DNMT3L: variants seen among roughly 807,000 people sequenced by gnomAD.
The protein encoded by DNMT3L is DNA methyltransferase 3 like.
Under a neutral mutation model 36.2 loss-of-function variants are expected in DNMT3L, and 33 were observed. That is an observed-to-expected ratio of 0.91 (90% CI 0.69 to 1.22). The LOEUF is 1.22. Ranked by LOEUF, DNMT3L falls within the 50% of genes most tolerant of loss-of-function variation. DNMT3L has a pLI of 0.00. For missense variants in DNMT3L, 310 were observed against 303.1 expected (o/e 1.02, Z -0.17); for synonymous variants, 117 against 121.7 (o/e 0.96, Z 0.26).
chr21:44,259,761 C>T (rs771400485), intron 3 of DNMT3L, 50 bp from the exon 4 acceptor site: 24 of 1,553,304 alleles, frequency 1.5e-5, no homozygotes, highest in Non-Finnish European at 3.5e-6. Context: ...CTGTCAAATA[C>T]AGCAGACGAT....
rs759888168 is a variant in DNMT3L at position 44,258,742 on chromosome 21, T to A, written c.345-48A>T. On this transcript the variant is annotated intron_variant, in intron 5 of 11. Coordinates refer to ENST00000628202, the MANE Select transcript of DNMT3L (RefSeq NM_175867.3). The surrounding 1 kb of genome is among the most constrained non-coding windows in gnomAD (Gnocchi z 6.2). ...AGCAGCGGACATGACAGCCCACCTCTCCTGAGGATGGCAGAGGTGGGCCTG... is the reference window on the plus strand; with the variant it reads ...AGCAGCGGACATGACAGCCCACCTCACCTGAGGATGGCAGAGGTGGGCCTG... 3 of 1,587,878 alleles carry A rather than the reference T, an allele frequency of 1.9e-6. No homozygotes were observed. Among genetic ancestry groups the A allele is most frequent in the East Asian group, 2.3e-5 (1 of 44,044 alleles).
rs1162367991 is a variant in DNMT3L, at chr21:44,258,173, C to T, written c.516+350G>A. 6.6e-6 allele frequency among the ~76,000 whole-genome samples: 1 copy of T among 152,150 alleles called. No individual in the cohort carries two copies. The highest frequency in any genetic ancestry group is 1.5e-5 in the Non-Finnish European group (1 of 68,026). On this transcript the variant is annotated intron_variant, in intron 6 of 11. Transcript: ENST00000628202. The surrounding 1 kb of genome is among the most constrained non-coding windows in gnomAD (Gnocchi z 6.2). The stretch of plus-strand genomic sequence containing the variant: ...CTGAGGTTCCTGCCGGCCCCCCTGG[C>T]TCCTCGGCTGGACTCCCAAAACGGC...
At chr21:44,254,590 T>G (rs1257165822) in intron 8 of DNMT3L, 27 bp downstream of exon 8, 1 of 1,611,556 alleles carries the variant, frequency 6.2e-7, no homozygotes, top group Admixed American at 1.7e-5. Context: ...CCCACTACAG[T>G]GTCTGAGAGT....
In DNMT3L at chr21:44,258,568, C is replaced by T. The variant is rs1418221433; in HGVS notation, c.471G>A (p.Arg157=). 8 of 1,603,730 alleles carry T rather than the reference C, an allele frequency of 5.0e-6. No homozygotes were observed. Among genetic ancestry groups the T allele is most frequent in the Non-Finnish European group, 6.8e-6 (8 of 1,175,694 alleles). The change falls in exon 6 of 12, where the codon CGG becomes CGA. Residue 157 remains arginine (R), a synonymous_variant. Transcript: ENST00000628202. The surrounding 1 kb of genome is among the most constrained non-coding windows in gnomAD (Gnocchi z 6.2). Reference sequence around the variant, plus strand: ...CCTTGAGCTGGCTGCGCCACTTCCTCCGACGCTGCAGCAGCCCGCTTCGGG... The same window carrying T: ...CCTTGAGCTGGCTGCGCCACTTCCTTCGACGCTGCAGCAGCCCGCTTCGGG... The part of the protein sequence containing the change: ...PSSRSGLLQR[R]RKWRSQLKAF...
At position 44,259,519 on chromosome 21, in the gene DNMT3L, C is replaced by G; in HGVS notation, c.262G>C (p.Asp88His). ...DKFLDALFLY[D>H]DDGYQSYCSI... ...CAGTAGGATTGGTACCCGTCATCGT[C>G]GTACAGGAAGAGGGCATCCAGGAAC... Residue 88 changes from aspartate (D) to histidine (H), a missense_variant, in exon 5 of 12, where the codon GAC (aspartate) becomes CAC (histidine). By Grantham distance (81) the Asp-to-His change is moderately conservative (BLOSUM62 -1). Transcript: ENST00000628202. 2 of 1,613,714 alleles carry G rather than the reference C, an allele frequency of 1.2e-6. No homozygotes were observed. Among genetic ancestry groups the G allele is most frequent in the East Asian group, 4.5e-5 (2 of 44,890 alleles).
At position 44,257,692 on chromosome 21, in the gene DNMT3L, A is replaced by T. The variant is rs1451275146; in HGVS notation, c.516+831T>A. 6.3e-3 allele frequency among the ~76,000 whole-genome samples: 508 copies of T among 80,148 alleles called. 19 individuals are homozygous for T. The highest frequency in any genetic ancestry group is 0.027 in the Middle Eastern group (5 of 186). The allele number at this position is 80,148 out of a possible 152,430, so 52.6% of individuals were successfully genotyped here. Reference sequence around the variant, plus strand: ...CGAGACTCCGTCTCAAAAAAAAAAAAAAAATAAATAAATAAATAAATAAAT... The same window carrying T: ...CGAGACTCCGTCTCAAAAAAAAAAATAAAATAAATAAATAAATAAATAAAT... On this transcript the variant is annotated intron_variant, in intron 6 of 11. Coordinates refer to ENST00000628202, the MANE Select transcript of DNMT3L (RefSeq NM_175867.3).
intron 3 of DNMT3L, among the ~76,000 whole-genome samples, 165 bp from the exon 4 acceptor site, chr21:44,259,876 T>C (rs1452936833): frequency 1.3e-5 from 2 of 152,064 alleles, no homozygotes; most frequent in African/African-American, 2.4e-5. Context: ...AGATATCCCA[T>C]GTTCATGGAT....
intron 7 of DNMT3L, 143 bp from the exon 8 acceptor site, chr21:44,254,848 T>G: frequency 1.2e-6 from 1 of 808,108 alleles, no homozygotes; most frequent in Non-Finnish European, 1.9e-6. Flanking sequence ...TGTTTTGAGA[T>G]GGAGTCTCCC....
chr21:44,259,261 C>T (rs2040293567), intron 5 of DNMT3L, among the ~76,000 whole-genome samples, 176 bp downstream of exon 5: 1 of 152,178 alleles, frequency 6.6e-6, no homozygotes, highest in Non-Finnish European at 1.5e-5. Context: ...ACCGTAGACA[C>T]CCGCCTCCCA....
intron 2 of DNMT3L, 26 bp downstream of exon 2, chr21:44,261,128 G>A (rs372284198): frequency 6.2e-7 from 1 of 1,609,312 alleles, no homozygotes; most frequent in Admixed American, 1.7e-5. Context: ...CTAAGTGACT[G>A]GTCCAATAAG....
Position 44,260,789 on chromosome 21 carries a change from A to T in DNMT3L, c.151+6T>A. The T allele has an allele frequency of 6.2e-7, 1 of 1,612,938 alleles. No individual in the cohort carries two copies. The highest frequency in any genetic ancestry group is 1.3e-5 in the African/African-American group (1 of 74,906). On this transcript the variant is annotated splice_donor_region_variant and intron_variant, in intron 3 of 11. Transcript: ENST00000628202. The stretch of plus-strand genomic sequence containing the variant: ...GTCTGGTGTGGGCCAGTATGCAAAC[A>T]CTCACCTTCTATATTTCGCTGGTTA...
At chr21:44,254,755 C>A in intron 7 of DNMT3L, 50 bp from the exon 8 acceptor site, 3 of 1,593,096 alleles carry the variant, frequency 1.9e-6, no homozygotes, top group Non-Finnish European at 2.6e-6. Flanking sequence ...TGGATTGTGC[C>A]CCTACAGGGA....
At chr21:44,255,918 A>C in intron 7 of DNMT3L, 149 bp downstream of exon 7, 1 of 748,440 alleles carries the variant, frequency 1.3e-6, no homozygotes, top group Non-Finnish European at 2.2e-6. Flanking sequence ...GTGCAGGGTT[A>C]GCATGGGCCC....
In DNMT3L at chr21:44,258,533, T is replaced by C; in HGVS notation, c.506A>G (p.Asp169Gly). Reference sequence around the variant, plus strand: ...CCACGGGCTCCTTACCGACTCTCGGTCGTAGAAGGCCTTGAGCTGGCTGCG... The same window carrying C: ...CCACGGGCTCCTTACCGACTCTCGGCCGTAGAAGGCCTTGAGCTGGCTGCG... ...KWRSQLKAFYDRESENPLEMF... is the reference protein window; with the variant it reads ...KWRSQLKAFYGRESENPLEMF... The change falls in exon 6 of 12, where the codon GAC becomes GGC. Residue 169 changes from aspartate (D) to glycine (G), a missense_variant. Transcript: ENST00000628202. This position sits in a 1 kb window ranked among gnomAD's most constrained non-coding sequence, Gnocchi z 6.2. 1 of 1,573,258 alleles carries C rather than the reference T, an allele frequency of 6.4e-7. No homozygotes were observed. The highest frequency in any genetic ancestry group is 8.6e-7 in the Non-Finnish European group (1 of 1,159,288).
chr21:44,255,157 A>G (rs983410175), intron 7 of DNMT3L, among the ~76,000 whole-genome samples: 14 of 152,238 alleles, frequency 9.2e-5, no homozygotes, highest in Admixed American at 4.6e-4. Context: ...ACGTGGCAGG[A>G]GGATTAAGGA....
At chr21:44,261,505 C>T (rs1313340030) in intron 1 of DNMT3L, among the ~76,000 whole-genome samples, 1 of 152,204 alleles carries the variant, frequency 6.6e-6, no homozygotes, top group Non-Finnish European at 1.5e-5. Flanking sequence ...CCTGCCTGGC[C>T]CTGTTACAAC....
intron 7 of DNMT3L, among the ~76,000 whole-genome samples, chr21:44,255,480 T>C (rs1277803458): frequency 1.4e-5 from 2 of 143,180 alleles, no homozygotes; most frequent in Non-Finnish European, 3.0e-5. Context: ...AGATCAAGCC[T>C]GGGCAACAGA....
intron 7 of DNMT3L, among the ~76,000 whole-genome samples, chr21:44,254,946 C>T (rs1448698429): frequency 6.6e-6 from 1 of 152,174 alleles, no homozygotes; most frequent in Non-Finnish European, 1.5e-5. Flanking sequence ...CTGCCTCAAC[C>T]TCCCGAGTAG....
rs2040322180 is a variant in DNMT3L, at chr21:44,261,795, G to C, written c.-63C>G. On this transcript the variant is annotated 5_prime_UTR_variant, in exon 1 of 12. Transcript: ENST00000628202. Reference sequence around the variant, plus strand: ...AGCTGGTGGGTTCAAGGTTCCAGTGGTCCGGGGCTTCCAGGCTCAGGGTCC... The same window carrying C: ...AGCTGGTGGGTTCAAGGTTCCAGTGCTCCGGGGCTTCCAGGCTCAGGGTCC... 1 of 153,616 alleles carries C rather than the reference G, an allele frequency of 6.5e-6. No individual in the cohort carries two copies. Among genetic ancestry groups the C allele is most frequent in the South Asian group, 2.0e-4 (1 of 4,906 alleles). 9.5% of individuals were successfully genotyped at this position (153,616 alleles called of 1,614,324 possible). A position where few individuals can be genotyped will look rare whatever the true frequency, so the allele number is the denominator to read the frequency against.
Sources: gnomAD v4.1 joint callset for allele counts (sites outside exome capture counted in the v4.1 genomes callset) on GRCh38, gnomAD v4.1.1 for gene constraint, Gnocchi (gnomAD v3.1) non-coding constraint, MANE v1.5 for transcripts, NCBI Gene and HGNC (gene_info 2026-07-23, HGNC 2026-07-21) for gene names.